The following KCNQ3 variants were observed in gnomAD, a reference collection of about 807,000 sequenced individuals.
The protein encoded by KCNQ3 is potassium voltage-gated channel subfamily Q member 3.
In KCNQ3, 30 loss-of-function variants were observed where a neutral mutation model predicts 92.5. The ratio of observed to expected loss-of-function variants is 0.32; its 90% CI spans 0.24 to 0.44. The LOEUF is 0.44. Ranked by LOEUF, KCNQ3 falls within the 20% of genes least tolerant of loss-of-function variation. The pLI is 1.00. For synonymous variants in KCNQ3, 450 were observed against 468.8 expected (o/e 0.96, Z 0.52); for missense variants, 913 against 1,140.3 (o/e 0.80, Z 2.87).
chr8:132,132,179 C>T lies in KCNQ3; in HGVS notation c.1884+1G>A. 2 of 1,587,432 alleles carry T rather than the reference C, an allele frequency of 1.3e-6. No individual in the cohort carries two copies. Among genetic ancestry groups the T allele is most frequent in the Non-Finnish European group, 1.7e-6 (2 of 1,155,668 alleles). The stretch of plus-strand genomic sequence containing the variant: ...TTTGGTGAGAGGAAGAAAAGACTTA[C>T]CTGTCTTTCAACTTTTACAAACTTC... On this transcript the variant is annotated splice_donor_variant, in intron 14 of 14. Transcript: ENST00000388996. LOFTEE classifies it high-confidence loss of function.
At chr8:132,446,449 T>C (rs1177490069) in intron 1 of KCNQ3, among the ~76,000 whole-genome samples, 1 of 152,178 alleles carries the variant, frequency 6.6e-6, no homozygotes. Context: ...TGGGAATCTG[T>C]GTGTCCTTAA....
At chr8:132,216,308 G>A (rs962906953) in intron 1 of KCNQ3, among the ~76,000 whole-genome samples, 10 of 152,228 alleles carry the variant, frequency 6.6e-5, no homozygotes, top group South Asian at 2.1e-4. Flanking sequence ...TGTTTTGAGC[G>A]CGTGATATTC....
intron 1 of KCNQ3, among the ~76,000 whole-genome samples, chr8:132,299,057 G>A (rs955362908): frequency 1.3e-5 from 2 of 151,060 alleles, no homozygotes; most frequent in South Asian, 4.2e-4. Context: ...TTAGATAACT[G>A]TTCCTATTCC....
At chr8:132,236,217 A>C (rs1230100428) in intron 1 of KCNQ3, among the ~76,000 whole-genome samples, 1 of 152,206 alleles carries the variant, frequency 6.6e-6, no homozygotes, top group Non-Finnish European at 1.5e-5. Flanking sequence ...TCCAAATTGC[A>C]AAGGGCAAAC....
chr8:132,474,944 T>G (rs753117620), intron 1 of KCNQ3, among the ~76,000 whole-genome samples: 5 of 152,050 alleles, frequency 3.3e-5, no homozygotes, highest in Non-Finnish European at 7.4e-5. Flanking sequence ...GTTTCCAGAG[T>G]GGCCTGGTGG....
At chr8:132,144,108 T>TA (rs1377195197) in intron 9 of KCNQ3, among the ~76,000 whole-genome samples, 1 of 152,250 alleles carries the variant, frequency 6.6e-6, no homozygotes, top group Non-Finnish European at 1.5e-5. Flanking sequence ...GCTTGTTAGA[T>TA]ATTTAAATGC....
intron 1 of KCNQ3, among the ~76,000 whole-genome samples, chr8:132,308,123 T>A (rs943762294): frequency 2.0e-5 from 3 of 152,076 alleles, no homozygotes; most frequent in African/African-American, 7.2e-5. Context: ...ATATCTCCTA[T>A]CTCACGGGGC....
In KCNQ3 at chr8:132,190,006, A is replaced by C. The variant is rs147712841; in HGVS notation, c.387-3825T>G. Among the ~76,000 whole-genome samples the C allele has an allele frequency of 1.1e-4, 17 of 152,196 alleles. No individual in the cohort carries two copies. In the East Asian group the frequency reaches 3.3e-3, roughly 29 times the overall value. ...TCTTAAGTTCTTGGTCCAACAATGC[A>C]AGCCATCAACCACAGCCTCATAAGT... is the stretch of plus-strand genomic sequence containing the variant. On this transcript the variant is annotated intron_variant, in intron 1 of 14. Transcript: ENST00000388996.
chr8:132,386,957 T>G (rs2130763866), intron 1 of KCNQ3, among the ~76,000 whole-genome samples: 1 of 152,300 alleles, frequency 6.6e-6, no homozygotes, highest in African/African-American at 2.4e-5. Flanking sequence ...TGAAAAATGT[T>G]TGTGGTGATG....
chr8:132,325,495 A>G (rs1298606234), intron 1 of KCNQ3, among the ~76,000 whole-genome samples: 3 of 152,146 alleles, frequency 2.0e-5, no homozygotes, highest in African/African-American at 7.2e-5. Flanking sequence ...TAGGGTTTCT[A>G]AAGACGTCAT....
chr8:132,234,898 G>A (rs1200983806), intron 1 of KCNQ3, among the ~76,000 whole-genome samples: 2 of 152,174 alleles, frequency 1.3e-5, no homozygotes, highest in African/African-American at 2.4e-5. Flanking sequence ...CTGCTGCAGG[G>A]TCTTCATTGC....
At position 132,141,322 on chromosome 8, in the gene KCNQ3, C is replaced by A; in HGVS notation, c.1272G>T (p.Leu424=). The A allele has an allele frequency of 6.2e-7, 1 of 1,614,076 alleles. No homozygotes were observed. The highest frequency in any genetic ancestry group is 8.5e-7 in the Non-Finnish European group (1 of 1,179,992). Reference sequence around the variant, plus strand: ...AAAGGCGAACCCGATCCAAGAGACCCAGCTTTTGGCTACAAAATAAGCAAA... The same window carrying A: ...AAAGGCGAACCCGATCCAAGAGACCAAGCTTTTGGCTACAAAATAAGCAAA... ...EQLEAASSQK[L]GLLDRVRLSN... is the part of the protein sequence containing the mutation. The change falls in exon 10 of 15, where the codon CTG becomes CTT. Residue 424 remains leucine (L), a synonymous_variant. Transcript: ENST00000388996.
At chr8:132,170,951 T>C (rs62519570) in intron 7 of KCNQ3, among the ~76,000 whole-genome samples, 26,072 of 151,678 alleles carry the variant, frequency 0.17, 2,584 homozygotes, top group African/African-American at 0.25. Context: ...CCCAGGAGGT[T>C]GAGGCTGCAG....
At chr8:132,284,438 T>G (rs1391730917) in intron 1 of KCNQ3, among the ~76,000 whole-genome samples, 2 of 152,132 alleles carry the variant, frequency 1.3e-5, no homozygotes, top group Non-Finnish European at 2.9e-5. Context: ...AGCTAGGAAG[T>G]GCCAAGGTGG....
chr8:132,184,104 G>A (rs992821619), intron 3 of KCNQ3, 137 bp downstream of exon 3: 43 of 1,067,086 alleles, frequency 4.0e-5, no homozygotes, highest in Non-Finnish European at 5.9e-5. Flanking sequence ...CCTTCTCATC[G>A]AGGCAGCGTC....
chr8:132,254,394 G>A (rs1259812634), intron 1 of KCNQ3, among the ~76,000 whole-genome samples: 1 of 152,116 alleles, frequency 6.6e-6, no homozygotes, highest in Admixed American at 6.5e-5. Context: ...CACAGGCAAG[G>A]CATAAACTGA....
chr8:132,204,062 C>T (rs1813560948), intron 1 of KCNQ3, among the ~76,000 whole-genome samples: 1 of 152,198 alleles, frequency 6.6e-6, no homozygotes. Flanking sequence ...TGACAATTAC[C>T]TTATGACAGC....
intron 1 of KCNQ3, among the ~76,000 whole-genome samples, chr8:132,195,970 A>G (rs1036912827): frequency 7.2e-5 from 11 of 152,244 alleles, no homozygotes; most frequent in Non-Finnish European, 1.6e-4. Flanking sequence ...AGAAGACATT[A>G]TAATTATAAA....
chr8:132,428,275 T>C (rs534724610), intron 1 of KCNQ3, among the ~76,000 whole-genome samples: 1 of 152,226 alleles, frequency 6.6e-6, no homozygotes, highest in Non-Finnish European at 1.5e-5. Context: ...AGTCCTGCTG[T>C]CTAGGCATTC....
Sources: allele counts gnomAD v4.1 joint callset (sites outside exome capture counted in the v4.1 genomes callset), GRCh38; gene constraint gnomAD v4.1.1; transcripts MANE v1.5; gene names NCBI Gene and HGNC (gene_info 2026-07-23, HGNC 2026-07-21).